ZNF81: variants seen among roughly 807,000 people sequenced by gnomAD.
The protein encoded by ZNF81 is zinc finger protein 81 (HFZ20).
In ZNF81, 5 loss-of-function variants were observed where a neutral mutation model predicts 32.3. The observed-to-expected ratio is 0.15, with a 90% CI of 0.08 to 0.33. The LOEUF is 0.33. Ranked by LOEUF, ZNF81 falls within the 10% of genes least tolerant of loss-of-function variation. The probability of loss-of-function intolerance (pLI) is 1.00; values close to 1 mark genes in which losing one functional copy is unlikely to be tolerated. For missense variants in ZNF81, 379 were observed against 479.8 expected, an observed-to-expected ratio of 0.79 and a Z score of 1.96; for synonymous variants, 163 against 166.8, an observed-to-expected ratio of 0.98 and a Z score of 0.17.
At chrX:47,908,673 A>G (rs2058728957) in intron 4 of ZNF81, among the ~76,000 whole-genome samples, 2 of 112,540 alleles carry the variant, frequency 1.8e-5, no homozygotes, top group South Asian at 7.2e-4. Context: ...ATTATGCTAT[A>G]TTCTTGCAAT....
At chrX:47,911,496 C>T (rs781909445) in intron 4 of ZNF81, among the ~76,000 whole-genome samples, 3 of 110,625 alleles carry the variant, frequency 2.7e-5, no homozygotes, top group Non-Finnish European at 5.7e-5. Context: ...AGTAAGAGCT[C>T]GTATCTTATT....
chrX:47,889,690 G>A (rs781978666), intron 3 of ZNF81, among the ~76,000 whole-genome samples: 2 of 112,313 alleles, frequency 1.8e-5, no homozygotes, highest in African/African-American at 6.5e-5. Context: ...TCACGGTTCT[G>A]CAGGCTGTAA....
intron 2 of ZNF81, among the ~76,000 whole-genome samples, chrX:47,876,101 G>T (rs2058598770): frequency 8.9e-6 from 1 of 112,100 alleles, no homozygotes; most frequent in African/African-American, 3.2e-5. Flanking sequence ...AAACTCCAGG[G>T]TTACAGGGAG....
At position 47,840,564 on chromosome X, in the gene ZNF81, C is replaced by T. The variant is rs186712309; in HGVS notation, c.-164+3577C>T. Among the ~76,000 whole-genome samples, 87 of 105,546 alleles carry T rather than the reference C, an allele frequency of 8.2e-4. 1 individual carries two copies. In the East Asian group the frequency reaches 0.015, roughly 19 times the overall value. The allele number at this position is 105,546 out of a possible 115,157, so 91.7% of individuals were successfully genotyped here. On this transcript the variant is annotated intron_variant, in intron 1 of 4. Transcript: ENST00000338637. Reference sequence around the variant, plus strand: ...TGTTGTCCAGGCTGGAGTGCAATGGCGCAATCTCGGCTCACCCCAACCTCC... The same window carrying T: ...TGTTGTCCAGGCTGGAGTGCAATGGTGCAATCTCGGCTCACCCCAACCTCC...
At chrX:47,880,672 A>G (rs1273172948) in intron 2 of ZNF81, among the ~76,000 whole-genome samples, 1 of 112,070 alleles carries the variant, frequency 8.9e-6, no homozygotes, top group Non-Finnish European at 1.9e-5. Flanking sequence ...GATATATAAA[A>G]CACTTCATTG....
At chrX:47,862,224 T>TA (rs2058543033) in intron 2 of ZNF81, among the ~76,000 whole-genome samples, 1 of 110,946 alleles carries the variant, frequency 9.0e-6, no homozygotes, top group South Asian at 3.8e-4. Flanking sequence ...ATGTCTGACT[T>TA]ACACACAAAG....
At chrX:47,860,664 G>A (rs1466031323) in intron 2 of ZNF81, 1 of 111,789 alleles carries the variant, frequency 8.9e-6, no homozygotes, top group East Asian at 2.8e-4. Flanking sequence ...ATTGGTGTCT[G>A]AAGTAGGACA....
In ZNF81 at chrX:47,925,536, A is replaced by G. The variant is rs1256553071; in HGVS notation, c.*8904A>G. Among the ~76,000 whole-genome samples, 1 of 112,277 alleles carries G rather than the reference A, an allele frequency of 8.9e-6. No individual in the cohort carries two copies. The highest frequency in any genetic ancestry group is 9.4e-5 in the Admixed American group (1 of 10,601). ...TGTTATTTCATTATATGGACATACC[A>G]GAATTTGTTTATCCATTCATGTTTT... On this transcript the variant is annotated 3_prime_UTR_variant, in exon 5 of 5. Transcript: ENST00000338637.
intron 2 of ZNF81, among the ~76,000 whole-genome samples, chrX:47,847,403 A>G (rs1198722414): frequency 8.9e-5 from 10 of 111,889 alleles, no homozygotes; most frequent in African/African-American, 2.9e-4. Context: ...TCCCCATGTC[A>G]TAGAGGAGAA....
chrX:47,838,759 G>C (rs2148000074), intron 1 of ZNF81, among the ~76,000 whole-genome samples: 1 of 111,205 alleles, frequency 9.0e-6, no homozygotes, highest in African/African-American at 3.3e-5. Flanking sequence ...TTTGTCTATA[G>C]TTTTCTTTTT....
chrX:47,889,737 A>G (rs782735937), intron 3 of ZNF81, among the ~76,000 whole-genome samples: 1 of 112,133 alleles, frequency 8.9e-6, no homozygotes, highest in East Asian at 2.8e-4. Context: ...AGGAAGCCTC[A>G]GGAAGCTTCC....
intron 2 of ZNF81, among the ~76,000 whole-genome samples, chrX:47,885,573 A>G (rs932731621): frequency 9.0e-6 from 1 of 111,723 alleles, no homozygotes; most frequent in Non-Finnish European, 1.9e-5. Context: ...TAAAGGCACC[A>G]GCAGCTTAGG....
At chrX:47,895,322 A>G (rs1556887037) in intron 3 of ZNF81, among the ~76,000 whole-genome samples, 1 of 111,414 alleles carries the variant, frequency 9.0e-6, no homozygotes, top group Non-Finnish European at 1.9e-5. Flanking sequence ...CCATATGAAG[A>G]TGAAGGCAGA....
intron 4 of ZNF81, among the ~76,000 whole-genome samples, chrX:47,907,301 A>T (rs376940347): frequency 0.013 from 1,213 of 93,114 alleles, 28 homozygotes; most frequent in African/African-American, 0.047. Flanking sequence ...GGATTCAGAT[A>T]TGACCTTTTC....
intron 4 of ZNF81, among the ~76,000 whole-genome samples, chrX:47,914,371 G>A (rs1244579121): frequency 1.8e-5 from 2 of 112,176 alleles, no homozygotes; most frequent in Non-Finnish European, 3.8e-5. Flanking sequence ...ATGATATTGA[G>A]TGACTTCAGA....
At chrX:47,911,592 G>A (rs1556889948) in intron 4 of ZNF81, among the ~76,000 whole-genome samples, 1 of 111,605 alleles carries the variant, frequency 9.0e-6, no homozygotes, top group Non-Finnish European at 1.9e-5. Flanking sequence ...GAATTTTGCT[G>A]TGTTTTAGAG....
At chrX:47,840,282 C>G (rs1416971925) in intron 1 of ZNF81, among the ~76,000 whole-genome samples, 7 of 110,033 alleles carry the variant, frequency 6.4e-5, no homozygotes, top group Admixed American at 4.9e-4. Context: ...TCTTAGGAAG[C>G]ATTATACAAA....
Position 47,915,899 on chromosome X carries a change from A to T in ZNF81, c.1253A>T (p.Glu418Val). ...HTGERHHKCS[E>V]CGKAFTQKST... ...GGAGAGAGACATCACAAATGCAGTG[A>T]GTGTGGGAAAGCCTTTACCCAAAAA... Residue 418 changes from glutamate (E) to valine (V), a missense_variant, in exon 5 of 5, where the codon GAG becomes GTG. By Grantham distance (121) the Glu-to-Val change is moderately radical (BLOSUM62 -2). Transcript: ENST00000338637. The T allele has an allele frequency of 8.3e-7, 1 of 1,210,086 alleles. No individual in the cohort carries two copies. Among genetic ancestry groups the T allele is most frequent in the Non-Finnish European group, 1.1e-6 (1 of 894,794 alleles).
rs2058719519 is a variant in ZNF81 at position 47,905,832 on chromosome X, C to A, written c.278-9092C>A. ...CTGCGAAGCAATGACCTAGGAGATC[C>A]TGATTTCTCAAAGCGTAGCCAGATC... On this transcript the variant is annotated intron_variant, in intron 4 of 4. Transcript: ENST00000338637. Among the ~76,000 whole-genome samples the A allele has an allele frequency of 1.8e-5, 2 of 112,459 alleles. 1 individual carries two copies. Among genetic ancestry groups the A allele is most frequent in the South Asian group, 7.2e-4 (2 of 2,765 alleles).
Sources: allele counts gnomAD v4.1 joint callset (sites outside exome capture counted in the v4.1 genomes callset), GRCh38; gene constraint gnomAD v4.1.1; transcripts MANE v1.5; gene names NCBI Gene and HGNC (gene_info 2026-07-23, HGNC 2026-07-21).